ATCAY: variants seen among roughly 807,000 people sequenced by gnomAD.
ATCAY encodes caytaxin.
ATCAY carries 22 observed loss-of-function variants against 47.7 expected under a neutral mutation model. The ratio of observed to expected loss-of-function variants is 0.46; its 90% CI spans 0.33 to 0.66. ATCAY has a LOEUF of 0.66. ATCAY is among the 30% of genes least tolerant of loss of function. ATCAY has a pLI of 0.02. For missense variants in ATCAY, 452 were observed against 515.0 expected (o/e 0.88, Z 1.18); for synonymous variants, 216 against 207.6 (o/e 1.04, Z -0.35).
intron 11 of ATCAY, 107 bp downstream of exon 11, chr19:3,918,984 A>G: frequency 7.2e-7 from 1 of 1,393,046 alleles, no homozygotes. Context: ...GGGACAGAAA[A>G]TGGAACTAAG....
chr19:3,898,369 G>C (rs1381017291), intron 2 of ATCAY, among the ~76,000 whole-genome samples: 2 of 152,080 alleles, frequency 1.3e-5, no homozygotes, highest in Non-Finnish European at 2.9e-5. Flanking sequence ...ATTTTTAGTA[G>C]AGACGGGCTT....
chr19:3,900,840 C>T (rs2038809766), intron 2 of ATCAY, among the ~76,000 whole-genome samples: 1 of 150,666 alleles, frequency 6.6e-6, no homozygotes, highest in Admixed American at 6.7e-5. Context: ...CTGGCCCATC[C>T]TGTATTTTTT....
At position 3,909,562 on chromosome 19, in the gene ATCAY, C is replaced by G. The variant is rs2038904844; in HGVS notation, c.724C>G (p.Arg242Gly). ...IVYLNGATPR[R>G]RMPGIGWLKK... ...GTACCTGAACGGTGCCACGCCCCGG[C>G]GGAGGATGCCTGGAATCGGCTGGCT... The change falls in exon 7 of 13, where the codon CGG becomes GGG. Residue 242 changes from arginine to glycine, a missense_variant. Arg to Gly is a moderately radical substitution (Grantham distance 125). Coordinates refer to ENST00000450849, the MANE Select transcript of ATCAY (RefSeq NM_033064.5). 1.5e-5 allele frequency: 24 copies of G among 1,613,410 alleles called. No homozygotes were observed. The highest frequency in any genetic ancestry group is 1.9e-5 in the Non-Finnish European group (23 of 1,179,696).
At chr19:3,911,963 T>C (rs2038925766) in intron 8 of ATCAY, among the ~76,000 whole-genome samples, 1 of 152,166 alleles carries the variant, frequency 6.6e-6, no homozygotes, top group African/African-American at 2.4e-5. Flanking sequence ...AATACACTAA[T>C]TATGGATCAT....
intron 6 of ATCAY, among the ~76,000 whole-genome samples, chr19:3,908,576 C>T (rs892005493): frequency 2.2e-4 from 34 of 151,510 alleles, no homozygotes; most frequent in Non-Finnish European, 4.1e-4. Flanking sequence ...TGTTCTCCTC[C>T]CCGTCCTCCT....
intron 2 of ATCAY, among the ~76,000 whole-genome samples, chr19:3,886,407 A>G (rs1034115679): frequency 6.6e-6 from 1 of 152,226 alleles, no homozygotes; most frequent in South Asian, 2.1e-4. Flanking sequence ...CCTGGCTAAC[A>G]TGGTGAAACT....
chr19:3,883,041 G>A lies in ATCAY; in HGVS notation c.-42+2033G>A, dbSNP rs1007320284. ...CTCAAGTGATCTGCCCAAAGTGCTG[G>A]AATTCCAGGCATGCACCACTGCACC... On this transcript the variant is annotated intron_variant, in intron 1 of 12. Coordinates refer to ENST00000450849, the MANE Select transcript of ATCAY (RefSeq NM_033064.5). Among the ~76,000 whole-genome samples, 13 of 152,002 alleles carry A rather than the reference G, an allele frequency of 8.6e-5. No individual in the cohort carries two copies. In the South Asian group the frequency reaches 2.7e-3, roughly 32 times the overall value.
At chr19:3,887,240 T>C (rs2038665791) in intron 2 of ATCAY, among the ~76,000 whole-genome samples, 1 of 151,464 alleles carries the variant, frequency 6.6e-6, no homozygotes, top group Middle Eastern at 3.4e-3. Context: ...GGGGGATTGA[T>C]AGAGCTCAAG....
intron 9 of ATCAY, among the ~76,000 whole-genome samples, chr19:3,916,660 A>C (rs2038968673): frequency 1.3e-5 from 2 of 151,008 alleles, no homozygotes; most frequent in African/African-American, 4.9e-5. Context: ...CACCCAGATA[A>C]TTTTTTTGTA....
intron 10 of ATCAY, 103 bp from the exon 11 acceptor site, chr19:3,918,703 T>C: frequency 8.1e-7 from 1 of 1,231,146 alleles, no homozygotes; most frequent in Non-Finnish European, 1.2e-6. Flanking sequence ...GGAAAACAGG[T>C]CCCAGGGGAC....
At chr19:3,886,485 G>A (rs1052523128) in intron 2 of ATCAY, among the ~76,000 whole-genome samples, 1 of 151,832 alleles carries the variant, frequency 6.6e-6, no homozygotes, top group African/African-American at 2.4e-5. Context: ...AGCTACTCGG[G>A]AGGCTGAGGC....
At chr19:3,914,516 G>C (rs2038950497) in intron 9 of ATCAY, among the ~76,000 whole-genome samples, 1 of 151,990 alleles carries the variant, frequency 6.6e-6, no homozygotes, top group Admixed American at 6.6e-5. Context: ...GATGAGATTT[G>C]GGTGAAGAGA....
Position 3,907,929 on chromosome 19 carries a change from G to A in ATCAY, c.544+10G>A, listed in dbSNP as rs549694453. ...GTGGTCACCCACGGAGGTGAGACCC[G>A]CCCCCCGGTGCCCCCTTGGGGCTCC... On this transcript the variant is annotated intron_variant, in intron 5 of 12. Transcript: ENST00000450849. This position sits in a 1 kb window ranked among gnomAD's most constrained non-coding sequence, Gnocchi z 5.1. 7.4e-5 allele frequency: 119 copies of A among 1,608,558 alleles called. No homozygotes were observed. The East Asian group carries it at 1.0e-3, about 14-fold the overall frequency.
rs1219724528 is a variant in ATCAY, at chr19:3,905,419, C to T, written c.137-15C>T. The T allele has an allele frequency of 6.4e-7, 1 of 1,574,008 alleles. No homozygotes were observed. The highest frequency in any genetic ancestry group is 1.9e-5 in the Admixed American group (1 of 52,336). ...GAAAGCAAAGATGTTTTCCATTTTT[C>T]TCATTTCCCTGCAGCTCCTCCCAAC... is the stretch of plus-strand genomic sequence containing the variant. On this transcript the variant is annotated splice_polypyrimidine_tract_variant and intron_variant, in intron 3 of 12. Coordinates refer to ENST00000450849, the MANE Select transcript of ATCAY (RefSeq NM_033064.5).
rs1176122367 is a variant in ATCAY at position 3,907,892 on chromosome 19, C to T, written c.517C>T (p.Pro173Ser). 1 of 1,613,916 alleles carries T rather than the reference C, an allele frequency of 6.2e-7. No homozygotes were observed. ...CCGTATAGACCTGCACATGATCCGG[C>T]CTTACATGAAAGTGGTCACCCACGG... The part of the protein sequence containing the change: ...EHRIDLHMIR[P>S]YMKVVTHGGY... Residue 173 changes from proline to serine, a missense_variant, in exon 5 of 13, where the codon CCT becomes TCT. Transcript: ENST00000450849. This position sits in a 1 kb window ranked among gnomAD's most constrained non-coding sequence, Gnocchi z 5.1.
In ATCAY at chr19:3,916,707, GC is replaced by G. The variant is rs1428412800; in HGVS notation, c.966-1034del. Among the ~76,000 whole-genome samples the G allele has an allele frequency of 2.6e-5, 4 of 152,018 alleles. No individual in the cohort carries two copies. The East Asian group carries it at 7.8e-4, about 29-fold the overall frequency. ...GATGGGGTTTCACCATGTTGGCCTG[GC>G]TGGTCTCAAACTCCCCACCTCAGCC... is the stretch of plus-strand genomic sequence containing the variant. On this transcript the variant is annotated intron_variant, in intron 9 of 12. Transcript: ENST00000450849.
chr19:3,916,246 A>T (rs1315780545), intron 9 of ATCAY, among the ~76,000 whole-genome samples: 2 of 152,172 alleles, frequency 1.3e-5, no homozygotes, highest in African/African-American at 2.4e-5. Context: ...TCATGGCTGA[A>T]TAATATTCCA....
chr19:3,908,038 G>A (rs972547621), intron 5 of ATCAY, 119 bp downstream of exon 5: 16 of 1,353,678 alleles, frequency 1.2e-5, no homozygotes, highest in Middle Eastern at 1.9e-4. Context: ...CGCTTCGGGT[G>A]GACGGACTGT....
At chr19:3,896,359 C>T (rs1266539937) in intron 2 of ATCAY, among the ~76,000 whole-genome samples, 3 of 151,832 alleles carry the variant, frequency 2.0e-5, no homozygotes, top group Admixed American at 2.0e-4. Flanking sequence ...CCTCCACCTC[C>T]CGGGTTCAAG....
Sources: allele counts gnomAD v4.1 joint callset (sites outside exome capture counted in the v4.1 genomes callset), GRCh38; gene constraint gnomAD v4.1.1; non-coding constraint Gnocchi (gnomAD v3.1); transcripts MANE v1.5; gene names NCBI Gene and HGNC (gene_info 2026-07-23, HGNC 2026-07-21).